SYT9: variants seen among roughly 807,000 people sequenced by gnomAD.
The protein encoded by SYT9 is synaptotagmin-9.
Under a neutral mutation model 48.4 loss-of-function variants are expected in SYT9, and 22 were observed. That is an observed-to-expected ratio of 0.45 (90% CI 0.32 to 0.65). The LOEUF is 0.65. Ranked by LOEUF, SYT9 falls within the 30% of genes least tolerant of loss-of-function variation. The probability of loss-of-function intolerance (pLI) is 0.03; values close to 1 mark genes in which losing one functional copy is unlikely to be tolerated. For missense variants in SYT9, 577 were observed against 622.0 expected (o/e 0.93, Z 0.77); for synonymous variants, 265 against 245.0 (o/e 1.08, Z -0.76).
chr11:7,400,039 G>A (rs1185638973), intron 3 of SYT9, among the ~76,000 whole-genome samples: 1 of 152,170 alleles, frequency 6.6e-6, no homozygotes, highest in African/African-American at 2.4e-5. Context: ...TTTATGCCAC[G>A]TACTTACCCC....
At chr11:7,295,630 T>G (rs955727453) in intron 1 of SYT9, among the ~76,000 whole-genome samples, 1 of 152,240 alleles carries the variant, frequency 6.6e-6, no homozygotes, top group African/African-American at 2.4e-5. Flanking sequence ...CTCAAAATTC[T>G]TCCAGTTTCT....
chr11:7,333,040 G>A (rs770888176), intron 3 of SYT9, among the ~76,000 whole-genome samples: 19 of 152,196 alleles, frequency 1.2e-4, no homozygotes, highest in Non-Finnish European at 1.9e-4. Context: ...TCAACCTTTC[G>A]AGAATCGAAA....
At chr11:7,364,391 T>C (rs1377595329) in intron 3 of SYT9, among the ~76,000 whole-genome samples, 2 of 152,190 alleles carry the variant, frequency 1.3e-5, no homozygotes, top group Non-Finnish European at 2.9e-5. Context: ...AATCAATACA[T>C]AGCTACATTT....
chr11:7,378,117 A>AT (rs1850489933), intron 3 of SYT9, among the ~76,000 whole-genome samples: 1 of 52,158 alleles, frequency 1.9e-5, no homozygotes, highest in Non-Finnish European at 3.9e-5. Flanking sequence ...CTTCAAAGAT[A>AT]CAAAAAAAAA....
At chr11:7,341,619 CTTAGATA>C (rs2133990399) in intron 3 of SYT9, among the ~76,000 whole-genome samples, 1 of 152,226 alleles carries the variant, frequency 6.6e-6, no homozygotes, top group South Asian at 2.1e-4. Context: ...ATTACCCAGT[CTTAGATA>C]TTTCTTCATA....
chr11:7,440,846 A>T (rs910881217), intron 6 of SYT9: 1 of 152,232 alleles, frequency 6.6e-6, no homozygotes, highest in African/African-American at 2.4e-5. Context: ...TGATCAGCTG[A>T]TCTCATCAAG....
At chr11:7,392,411 G>A (rs912667276) in intron 3 of SYT9, among the ~76,000 whole-genome samples, 2 of 152,056 alleles carry the variant, frequency 1.3e-5, no homozygotes, top group African/African-American at 4.8e-5. Flanking sequence ...TCAGTTGGTT[G>A]TAGCTGTGTG....
chr11:7,423,587 A>G (rs1320044), intron 6 of SYT9, among the ~76,000 whole-genome samples: 152,333 of 152,356 alleles, frequency 1, 76,155 homozygotes, highest in Non-Finnish European at 1. Flanking sequence ...TGTAGCTGAT[A>G]TATAATAAAC....
chr11:7,318,111 T>A (rs992267527), intron 3 of SYT9, among the ~76,000 whole-genome samples: 1 of 152,366 alleles, frequency 6.6e-6, no homozygotes, highest in East Asian at 1.9e-4. Flanking sequence ...TTTACTTATT[T>A]CTTCTTTAAA....
At chr11:7,262,150 A>C (rs1161127254) in intron 1 of SYT9, among the ~76,000 whole-genome samples, 1 of 152,148 alleles carries the variant, frequency 6.6e-6, no homozygotes, top group Admixed American at 6.5e-5. Flanking sequence ...TGGAAGGTGG[A>C]GATGACAACA....
intron 3 of SYT9, among the ~76,000 whole-genome samples, chr11:7,410,041 A>G (rs1199041142): frequency 6.6e-6 from 1 of 152,112 alleles, no homozygotes; most frequent in Non-Finnish European, 1.5e-5. Context: ...GTTTTGGCAC[A>G]TGTCTTATTT....
chr11:7,289,563 CTT>C (rs1397272833), intron 1 of SYT9, among the ~76,000 whole-genome samples: 1 of 152,158 alleles, frequency 6.6e-6, no homozygotes, highest in Non-Finnish European at 1.5e-5. Flanking sequence ...ACAGAAATGT[CTT>C]AGGAAAAACA....
chr11:7,282,310 A>G (rs896566801), intron 1 of SYT9, among the ~76,000 whole-genome samples: 1 of 152,176 alleles, frequency 6.6e-6, no homozygotes, highest in Non-Finnish European at 1.5e-5. Flanking sequence ...TGCCAAACCC[A>G]TTTCAGAACA....
intron 1 of SYT9, among the ~76,000 whole-genome samples, chr11:7,263,820 G>A (rs960745734): frequency 6.7e-6 from 1 of 148,864 alleles, no homozygotes; most frequent in Non-Finnish European, 1.5e-5. Flanking sequence ...TTCTAAAAGA[G>A]AATGAGAGGA....
intron 2 of SYT9, among the ~76,000 whole-genome samples, chr11:7,311,682 A>G (rs1269420367): frequency 6.6e-6 from 1 of 152,214 alleles, no homozygotes; most frequent in East Asian, 1.9e-4. Flanking sequence ...TTTTTTGAAG[A>G]AAAAATGTTT....
At position 7,406,629 on chromosome 11, in the gene SYT9, T is replaced by G. The variant is rs1382115071; in HGVS notation, c.1045-9413T>G. 3.3e-5 allele frequency among the ~76,000 whole-genome samples: 5 copies of G among 151,678 alleles called. No individual in the cohort carries two copies. The East Asian group carries it at 9.7e-4, about 29-fold the overall frequency. ...ACTTAGATTGATTCCATGTCTTTGCTGTTAAGAATGCCCCTGAAGTAAACA... is the reference window on the plus strand; with the variant it reads ...ACTTAGATTGATTCCATGTCTTTGCGGTTAAGAATGCCCCTGAAGTAAACA... On this transcript the variant is annotated intron_variant, in intron 3 of 6. Coordinates refer to ENST00000318881, the MANE Select transcript of SYT9 (RefSeq NM_175733.4).
chr11:7,267,721 G>A (rs115769060), intron 1 of SYT9, among the ~76,000 whole-genome samples: 5,352 of 151,754 alleles, frequency 0.035, 151 homozygotes, highest in African/African-American at 0.083. Flanking sequence ...TAAGAGCAAA[G>A]CATCAATAAA....
chr11:7,387,107 A>T (rs1850676065), intron 3 of SYT9, among the ~76,000 whole-genome samples: 1 of 152,206 alleles, frequency 6.6e-6, no homozygotes, highest in Non-Finnish European at 1.5e-5. Context: ...ATGAGAACAC[A>T]TGGACACAAG....
Position 7,396,699 on chromosome 11 carries a change from G to A in SYT9, c.1045-19343G>A, listed in dbSNP as rs114644918. ...CCTTTCAAACAGCAGCTTATGAGAT[G>A]GTCAGTTCCTCCACATCCTACACAA... is the stretch of plus-strand genomic sequence containing the variant. On this transcript the variant is annotated intron_variant, in intron 3 of 6. Coordinates refer to ENST00000318881, the MANE Select transcript of SYT9 (RefSeq NM_175733.4). Among the ~76,000 whole-genome samples the A allele has an allele frequency of 3.6e-3, 541 of 152,084 alleles. 3 individuals carry two copies. The highest frequency in any genetic ancestry group is 0.012 in the African/African-American group (497 of 41,520).
Sources: allele counts gnomAD v4.1 joint callset (sites outside exome capture counted in the v4.1 genomes callset), GRCh38; gene constraint gnomAD v4.1.1; transcripts MANE v1.5; gene names NCBI Gene and HGNC (gene_info 2026-07-23, HGNC 2026-07-21).